The following CCNB2 variants were observed in gnomAD, a reference collection of about 807,000 sequenced individuals.
The protein encoded by CCNB2 is cyclin B2.
Under a neutral mutation model 51.1 loss-of-function variants are expected in CCNB2, and 39 were observed. The ratio of observed to expected loss-of-function variants is 0.76; its 90% CI spans 0.59 to 1.00. CCNB2 has a LOEUF of 1.00. Ranked by LOEUF, CCNB2 falls within the 50% of genes least tolerant of loss-of-function variation. The pLI is 0.00. For synonymous variants in CCNB2, 174 were observed against 165.5 expected, an observed-to-expected ratio of 1.05 and a Z score of -0.40; for missense variants, 472 against 470.3, an observed-to-expected ratio of 1.00 and a Z score of -0.03.
intron 7 of CCNB2, among the ~76,000 whole-genome samples, chr15:59,119,915 C>T (rs2079295330): frequency 6.6e-6 from 1 of 152,028 alleles, no homozygotes. Context: ...CCTGTGTTGC[C>T]CAGGCTGGTC....
In CCNB2 at chr15:59,116,801, A is replaced by G. The variant is rs746467746; in HGVS notation, c.709A>G (p.Thr237Ala). ...AAATATTGAAGACTTTGTTTACATCACAGACAATGCTTATACCAGTTCCCA... is the reference window on the plus strand; with the variant it reads ...AAATATTGAAGACTTTGTTTACATCGCAGACAATGCTTATACCAGTTCCCA... ...SPNIEDFVYI[T>A]DNAYTSSQIR... Residue 237 changes from threonine to alanine, a missense_variant, in exon 6 of 9, where the codon ACA (threonine) becomes GCA (alanine). Transcript: ENST00000288207. 2.5e-6 allele frequency: 4 copies of G among 1,614,050 alleles called. No homozygotes were observed. The highest frequency in any genetic ancestry group is 2.2e-5 in the South Asian group (2 of 91,086).
rs550140976 is a variant in CCNB2 at position 59,121,430 on chromosome 15, C to T, written c.976-2087C>T. On this transcript the variant is annotated intron_variant, in intron 7 of 8. Transcript: ENST00000288207. ...CTCCCAGTTTTCTGAGAATTTATTT[C>T]AAAAGGCTAGAAATTGTGCATTATT... 4 of 152,300 alleles carry T rather than the reference C, an allele frequency of 2.6e-5. No homozygotes were observed. The East Asian group carries it at 7.7e-4, about 29-fold the overall frequency. The allele number at this position is 152,300 out of a possible 1,614,324, so 9.4% of individuals were successfully genotyped here.
chr15:59,123,689 T>TGTGGGG (rs1491321979), intron 8 of CCNB2, 62 bp downstream of exon 8: 2 of 456,610 alleles, frequency 4.4e-6, no homozygotes, highest in African/African-American at 6.5e-5. Flanking sequence ...GTGTGTATGT[T>TGTGGGG]GGGCGGGGGG....
intron 1 of CCNB2, 148 bp from the exon 2 acceptor site, chr15:59,107,174 T>C: frequency 1.5e-6 from 1 of 687,042 alleles, no homozygotes; most frequent in Non-Finnish European, 2.4e-6. Flanking sequence ...ATAGCATTTT[T>C]AGACTTCCTG....
chr15:59,120,335 G>T (rs191194868), intron 7 of CCNB2, among the ~76,000 whole-genome samples: 3 of 152,220 alleles, frequency 2.0e-5, no homozygotes, highest in Admixed American at 2.0e-4. Context: ...CACATCAAAA[G>T]GACATAGGAG....
rs1379252507 is a variant in CCNB2 at position 59,114,709 on chromosome 15, T to C, written c.439-9T>C. ...GGTCAGCTTTTTAAACTTTTGATTC[T>C]ACCCACAGGTTTTGCAGTCCATAAA... On this transcript the variant is annotated splice_polypyrimidine_tract_variant and intron_variant, in intron 4 of 8. Coordinates refer to ENST00000288207, the MANE Select transcript of CCNB2 (RefSeq NM_004701.4). The C allele has an allele frequency of 6.9e-6, 11 of 1,599,118 alleles. No homozygotes were observed. Among genetic ancestry groups the C allele is most frequent in the Non-Finnish European group, 9.4e-6 (11 of 1,169,678 alleles).
intron 1 of CCNB2, among the ~76,000 whole-genome samples, 172 bp from the exon 2 acceptor site, chr15:59,107,150 G>A (rs2079238520): frequency 6.6e-6 from 1 of 152,138 alleles, no homozygotes; most frequent in Non-Finnish European, 1.5e-5. Flanking sequence ...TTAGAGTGAT[G>A]TTATTAATCA....
Position 59,107,642 on chromosome 15 carries a change from C to T in CCNB2, c.239C>T (p.Pro80Leu), listed in dbSNP as rs201051714. The change falls in exon 3 of 9, where the codon CCA (proline) becomes CTA (leucine). Residue 80 changes from proline (P) to leucine (L), a missense_variant. By Grantham distance (98) the Pro-to-Leu change is moderately conservative. Transcript: ENST00000288207. ...KQLKPTASVK[P>L]VQMEKLAPKG... ...CTGAAACCTACTGCTTCTGTCAAAC[C>T]AGTACAGATGGAAAAGTTGGCTCCA... is the stretch of plus-strand genomic sequence containing the variant. The T allele has an allele frequency of 6.9e-5, 111 of 1,613,942 alleles. 1 individual carries two copies. The highest frequency in any genetic ancestry group is 8.8e-5 in the Non-Finnish European group (104 of 1,179,986).
At chr15:59,105,475 G>C (rs1481091575) in intron 1 of CCNB2, among the ~76,000 whole-genome samples, 183 bp downstream of exon 1, 2 of 152,172 alleles carry the variant, frequency 1.3e-5, no homozygotes, top group African/African-American at 4.8e-5. Context: ...GCCTTTCCCC[G>C]TCTGGATTCC....
At chr15:59,112,329 C>G (rs1196401365) in intron 3 of CCNB2, among the ~76,000 whole-genome samples, 1 of 150,204 alleles carries the variant, frequency 6.7e-6, no homozygotes, top group Non-Finnish European at 1.5e-5. Flanking sequence ...AATCATTGAG[C>G]TTTACTGTAA....
chr15:59,116,862 T>A lies in CCNB2; in HGVS notation c.770T>A (p.Leu257Ter), dbSNP rs1206250461. Residue 257 changes from leucine (L) to a stop codon, truncating the protein, a stop_gained, in exon 6 of 9, where the codon TTG (leucine) becomes TAG (stop). Coordinates refer to ENST00000288207, the MANE Select transcript of CCNB2 (RefSeq NM_004701.4). LOFTEE classifies it high-confidence loss of function. Reference protein sequence around the residue: ...REMETLILKELKFELGRPLPL... With the variant: ...REMETLILKE ...ATGGAAACTCTAATTTTGAAAGAAT[T>A]GAAATTTGAGTTGGGTCGACCCTTG... 6.2e-7 allele frequency: 1 copy of A among 1,614,126 alleles called. No homozygotes were observed. The highest frequency in any genetic ancestry group is 8.5e-7 in the Non-Finnish European group (1 of 1,180,012).
chr15:59,118,026 GT>G (rs1322570757), intron 7 of CCNB2, among the ~76,000 whole-genome samples: 1 of 152,184 alleles, frequency 6.6e-6, no homozygotes, highest in Non-Finnish European at 1.5e-5. Context: ...GCAGTATAGA[GT>G]TGTACAGAAT....
intron 7 of CCNB2, chr15:59,121,458 A>G (rs1431228252): frequency 6.6e-6 from 1 of 152,188 alleles, no homozygotes; most frequent in Admixed American, 6.6e-5. Context: ...GCATTATTTC[A>G]GTTTTTACTC....
At chr15:59,105,350 G>C (rs1411867418) in intron 1 of CCNB2, 58 bp downstream of exon 1, 16 of 1,524,804 alleles carry the variant, frequency 1.0e-5, no homozygotes, top group African/African-American at 1.4e-5. Flanking sequence ...CAGCTCCCCT[G>C]TCGCTTCTCT....
intron 8 of CCNB2, 74 bp downstream of exon 8, chr15:59,123,701 G>C: frequency 1.1e-5 from 8 of 711,420 alleles, no homozygotes; most frequent in South Asian, 1.1e-4. Context: ...GGCGGGGGGG[G>C]GCGGTGTGTG....
At chr15:59,108,546 T>TCAGGGA (rs2079245300) in intron 3 of CCNB2, among the ~76,000 whole-genome samples, 1 of 49,536 alleles carries the variant, frequency 2.0e-5, no homozygotes, top group Admixed American at 2.3e-4. Context: ...AGAATGTCTT[T>TCAGGGA]CATCTTGTAT....
intron 3 of CCNB2, among the ~76,000 whole-genome samples, chr15:59,112,840 C>CG (rs2079263237): frequency 6.6e-6 from 1 of 151,508 alleles, no homozygotes; most frequent in African/African-American, 2.4e-5. Context: ...CGAGACCATC[C>CG]TGGCTAACAC....
chr15:59,105,384 C>T, intron 1 of CCNB2, 92 bp downstream of exon 1: 1 of 1,379,462 alleles, frequency 7.2e-7, no homozygotes, highest in Non-Finnish European at 9.9e-7. Context: ...CTTCTCCGTC[C>T]CAACCGGGGC....
chr15:59,114,539 T>C lies in CCNB2; in HGVS notation c.363T>C (p.Asp121=), dbSNP rs1212585501. The C allele has an allele frequency of 4.3e-6, 7 of 1,613,678 alleles. No individual in the cohort carries two copies. Among genetic ancestry groups the C allele is most frequent in the African/African-American group, 1.3e-5 (1 of 74,906 alleles). The change falls in exon 4 of 9, where the codon GAT becomes GAC. Residue 121 remains aspartate, a synonymous_variant. Coordinates refer to ENST00000288207, the MANE Select transcript of CCNB2 (RefSeq NM_004701.4). ...DALLCKIEDI[D]NEDWENPQLC... ...TGCTCTGCAAAATCGAGGACATTGA[T>C]AACGAAGATTGGGAGAACCCTCAGC...
Sources: allele counts gnomAD v4.1 joint callset (sites outside exome capture counted in the v4.1 genomes callset), GRCh38; gene constraint gnomAD v4.1.1; transcripts MANE v1.5; gene names NCBI Gene and HGNC (gene_info 2026-07-23, HGNC 2026-07-21).